The following ASPH variants were observed in gnomAD, a reference collection of about 807,000 sequenced individuals.
The protein encoded by ASPH is aspartate beta-hydroxylase, also known as aspartyl/asparaginyl beta-hydroxylase.
In ASPH, 100 loss-of-function variants were observed where a neutral mutation model predicts 118.4. That is an observed-to-expected ratio of 0.84 (90% confidence interval 0.72 to 1.00). The LOEUF (loss-of-function observed/expected upper bound fraction) is 1.00. Ranked by LOEUF, ASPH falls within the 50% of genes least tolerant of loss-of-function variation. The probability of loss-of-function intolerance (pLI) is 0.00; values close to 1 mark genes in which losing one functional copy is unlikely to be tolerated. For missense variants in ASPH, 920 were observed against 919.5 expected (o/e 1.00, Z -0.01); for synonymous variants, 315 against 325.6 (o/e 0.97, Z 0.35).
At chr8:61,655,742 G>T (rs1460758098) in intron 3 of ASPH, among the ~76,000 whole-genome samples, 2 of 152,098 alleles carry the variant, frequency 1.3e-5, no homozygotes, top group Non-Finnish European at 2.9e-5. Flanking sequence ...ACAGGAGAAA[G>T]CAAAAGCACA....
intron 14 of ASPH, among the ~76,000 whole-genome samples, chr8:61,597,196 GAAA>G (rs34291472): frequency 8.9e-6 from 1 of 112,800 alleles, no homozygotes. Context: ...ATCCAGTCAG[GAAA>G]AAAAAAAAAA....
intron 7 of ASPH, 121 bp from the exon 8 acceptor site, chr8:61,644,122 T>C: frequency 1.3e-6 from 1 of 765,992 alleles, no homozygotes; most frequent in Non-Finnish European, 2.2e-6. Flanking sequence ...ATAATGATAT[T>C]CAAACATGTT....
chr8:61,607,453 A>G (rs1278618518), intron 14 of ASPH: 2 of 571,322 alleles, frequency 3.5e-6, no homozygotes, highest in African/African-American at 3.8e-5. Flanking sequence ...CCAACTCAAC[A>G]AATGTATTTA....
intron 14 of ASPH, among the ~76,000 whole-genome samples, chr8:61,596,019 C>T (rs1173611302): frequency 2.0e-5 from 3 of 152,114 alleles, no homozygotes; most frequent in African/African-American, 7.2e-5. Context: ...CGTGCCCCAC[C>T]CCTCAATGCA....
chr8:61,555,839 A>C (rs1166676504), intron 19 of ASPH, 85 bp downstream of exon 19: 17 of 1,184,966 alleles, frequency 1.4e-5, no homozygotes, highest in Non-Finnish European at 1.8e-5. Flanking sequence ...AGTGCATGCA[A>C]TCAATCTACA....
intron 14 of ASPH, among the ~76,000 whole-genome samples, chr8:61,617,952 A>C (rs1564027298): frequency 6.9e-6 from 1 of 144,834 alleles, no homozygotes; most frequent in Admixed American, 6.9e-5. Context: ...AAAAAAAAAG[A>C]AAGAAAGAAA....
chr8:61,537,381 T>C (rs1168700742), intron 21 of ASPH, among the ~76,000 whole-genome samples: 1 of 152,228 alleles, frequency 6.6e-6, no homozygotes. Context: ...ATGCACATTT[T>C]TTCTAAGAGA....
intron 14 of ASPH, among the ~76,000 whole-genome samples, chr8:61,599,080 A>C (rs561557276): frequency 5.1e-4 from 78 of 152,330 alleles, no homozygotes; most frequent in African/African-American, 1.8e-3. Flanking sequence ...CATGCCTCAA[A>C]GAACTAGAAG....
At chr8:61,675,811 A>C in intron 3 of ASPH, 1 of 1,266,432 alleles carries the variant, frequency 7.9e-7, no homozygotes, top group Non-Finnish European at 9.9e-7. Context: ...GAAACCAATT[A>C]TACCACCAAG....
In ASPH at chr8:61,653,548, G is replaced by T; in HGVS notation, c.415+20C>A. 6.2e-7 allele frequency: 1 copy of T among 1,610,806 alleles called. No individual in the cohort carries two copies. The highest frequency in any genetic ancestry group is 8.5e-7 in the Non-Finnish European group (1 of 1,178,950). On this transcript the variant is annotated intron_variant, in intron 4 of 24. Transcript: ENST00000379454. ...GCTCTGGCACACCTGGGCGAGACTC[G>T]AGGATGAGGACAAGCTTACCTGCCT...
chr8:61,643,493 C>T (rs1806283588), intron 8 of ASPH, 60 bp from the exon 9 acceptor site: 19 of 1,465,368 alleles, frequency 1.3e-5, no homozygotes, highest in East Asian at 2.3e-5. Flanking sequence ...TGCCAGACAG[C>T]ATTCTAGGAG....
At chr8:61,668,272 C>T (rs1483526219) in intron 3 of ASPH, 2 of 1,608,014 alleles carry the variant, frequency 1.2e-6, no homozygotes, top group Admixed American at 1.7e-5. Flanking sequence ...CCCACTGGGT[C>T]CTTCTGTTGA....
intron 24 of ASPH, among the ~76,000 whole-genome samples, chr8:61,511,928 C>G (rs553289032): frequency 1.3e-5 from 2 of 152,184 alleles, no homozygotes; most frequent in African/African-American, 2.4e-5. Flanking sequence ...TTACAGACCA[C>G]AAAGCATGGT....
chr8:61,504,509 C>T lies in ASPH; in HGVS notation c.2127-1000G>A, dbSNP rs916014847. 2.6e-5 allele frequency among the ~76,000 whole-genome samples: 4 copies of T among 152,082 alleles called. No homozygotes were observed. In the South Asian group the frequency reaches 8.3e-4, roughly 32 times the overall value. Reference sequence around the variant, plus strand: ...AAAACTAGTGGTGAATTTTTATGTTCCATATCAGGTGATTAACTAATATAA... The same window carrying T: ...AAAACTAGTGGTGAATTTTTATGTTTCATATCAGGTGATTAACTAATATAA... On this transcript the variant is annotated intron_variant, in intron 24 of 24. Coordinates refer to ENST00000379454, the MANE Select transcript of ASPH (RefSeq NM_004318.4).
intron 3 of ASPH, chr8:61,657,225 C>T (rs182132052): frequency 6.6e-6 from 1 of 152,236 alleles, no homozygotes; most frequent in Admixed American, 6.5e-5. Flanking sequence ...AGGGATGTGG[C>T]TATGTAAGTT....
rs1827837138 is a variant in ASPH at position 61,681,130 on chromosome 8, A to G, written c.254-94T>C. On this transcript the variant is annotated intron_variant, in intron 2 of 24. Coordinates refer to ENST00000379454, the MANE Select transcript of ASPH (RefSeq NM_004318.4). ...TAGTGAAGTCATGCAACTCAGTCAT[A>G]AATGTTACCAATTAATACAATTCTT... The G allele has an allele frequency of 2.3e-5, 21 of 927,936 alleles. No homozygotes were observed. In the South Asian group the frequency reaches 4.4e-4, roughly 19 times the overall value. The allele number at this position is 927,936 out of a possible 1,614,324, so 57.5% of individuals were successfully genotyped here.
At position 61,668,289 on chromosome 8, in the gene ASPH, CA is replaced by C. The variant is rs1431592535; in HGVS notation, c.322+12678del. 28 of 1,599,548 alleles carry C rather than the reference CA, an allele frequency of 1.8e-5. No homozygotes were observed. In the Admixed American group the frequency reaches 4.8e-4, roughly 27 times the overall value. On this transcript the variant is annotated intron_variant, in intron 3 of 24. Transcript: ENST00000379454. Reference sequence around the variant, plus strand: ...CACTGGGTCCTTCTGTTGACATTTACAAGATGAAAATAGGTTATAAACAGAA... The same window carrying C: ...CACTGGGTCCTTCTGTTGACATTTACAGATGAAAATAGGTTATAAACAGAA...
intron 1 of ASPH, chr8:61,689,780 C>A: frequency 1.3e-6 from 2 of 1,508,070 alleles, no homozygotes. Context: ...TTTAGGCACA[C>A]TGCATGCACT....
chr8:61,503,767 G>C (rs1805402723), intron 24 of ASPH, among the ~76,000 whole-genome samples: 2 of 152,120 alleles, frequency 1.3e-5, no homozygotes, highest in Non-Finnish European at 2.9e-5. Flanking sequence ...AAGACATATT[G>C]GTCTCATTAC....
Sources: allele counts gnomAD v4.1 joint callset (sites outside exome capture counted in the v4.1 genomes callset), GRCh38; gene constraint gnomAD v4.1.1; transcripts MANE v1.5; gene names NCBI Gene and HGNC (gene_info 2026-07-23, HGNC 2026-07-21).